The following PRKCE variants were observed in gnomAD, a reference collection of about 807,000 sequenced individuals.
PRKCE encodes the protein protein kinase C epsilon type.
In PRKCE, 16 loss-of-function variants were observed where a neutral mutation model predicts 85.4. That is an observed-to-expected ratio of 0.19 (90% CI 0.13 to 0.28). PRKCE has a LOEUF of 0.28. Ranked by LOEUF, PRKCE falls within the 10% of genes least tolerant of loss-of-function variation. The pLI is 1.00. For synonymous variants in PRKCE, 388 were observed against 371.5 expected (o/e 1.04, Z -0.51); for missense variants, 573 against 975.2 (o/e 0.59, Z 5.49).
chr2:46,175,228 T>A (rs574799859), intron 14 of PRKCE, among the ~76,000 whole-genome samples: 1 of 152,292 alleles, frequency 6.6e-6, no homozygotes, highest in African/African-American at 2.4e-5. Context: ...GTGGGTCACA[T>A]ATTTGGCTAT....
chr2:45,817,303 A>G (rs946355883), intron 1 of PRKCE, among the ~76,000 whole-genome samples: 7 of 152,140 alleles, frequency 4.6e-5, no homozygotes, highest in Non-Finnish European at 1.0e-4. Context: ...CTTTATCTAT[A>G]TTTTTAGAAG....
chr2:45,889,873 C>A (rs1573764238), intron 2 of PRKCE, among the ~76,000 whole-genome samples: 1 of 152,376 alleles, frequency 6.6e-6, no homozygotes, highest in Non-Finnish European at 1.5e-5. Flanking sequence ...GCTGCAACTG[C>A]ATGAGCCGTG....
At chr2:45,838,502 C>T (rs1392433357) in intron 1 of PRKCE, among the ~76,000 whole-genome samples, 1 of 152,138 alleles carries the variant, frequency 6.6e-6, no homozygotes, top group East Asian at 1.9e-4. Flanking sequence ...TCATGAGTAC[C>T]ACACGTCCTC....
intron 2 of PRKCE, among the ~76,000 whole-genome samples, chr2:45,886,768 G>A (rs1695334464): frequency 6.6e-6 from 1 of 152,198 alleles, no homozygotes; most frequent in Non-Finnish European, 1.5e-5. Context: ...CCAATGTGCT[G>A]AAAAGTTATG....
rs1201385353 is a variant in PRKCE, at chr2:46,138,630, A to G, written c.1593-6463A>G. Among the ~76,000 whole-genome samples the G allele has an allele frequency of 1.3e-5, 2 of 152,194 alleles. No individual in the cohort carries two copies. The highest frequency in any genetic ancestry group is 2.9e-5 in the Non-Finnish European group (2 of 68,040). On this transcript the variant is annotated intron_variant, in intron 11 of 14. Coordinates refer to ENST00000306156, the MANE Select transcript of PRKCE (RefSeq NM_005400.3). The surrounding 1 kb of genome is among the most constrained non-coding windows in gnomAD (Gnocchi z 4.2). ...GTGTTAGAGCCCTGATCACTGCTTAAGACTCAGATTAGAGCAGTGGTCGTC... is the reference window on the plus strand; with the variant it reads ...GTGTTAGAGCCCTGATCACTGCTTAGGACTCAGATTAGAGCAGTGGTCGTC...
chr2:46,024,743 A>G (rs1220216227), intron 10 of PRKCE, among the ~76,000 whole-genome samples: 1 of 152,002 alleles, frequency 6.6e-6, no homozygotes, highest in Non-Finnish European at 1.5e-5. Context: ...TGTTTCTTTC[A>G]CCATTTATCC....
chr2:46,131,069 G>A (rs777765661), intron 11 of PRKCE, among the ~76,000 whole-genome samples: 10 of 152,232 alleles, frequency 6.6e-5, no homozygotes, highest in Non-Finnish European at 1.0e-4. Context: ...TCTAGTGTGA[G>A]GATAAATCCG....
At chr2:46,141,343 A>G (rs190682442) in intron 11 of PRKCE, among the ~76,000 whole-genome samples, 2 of 152,320 alleles carry the variant, frequency 1.3e-5, no homozygotes, top group East Asian at 3.9e-4. Flanking sequence ...TTAAGTGAAA[A>G]AGATAAAGTC....
chr2:45,843,908 T>C (rs1211629745), intron 2 of PRKCE, among the ~76,000 whole-genome samples: 1 of 152,238 alleles, frequency 6.6e-6, no homozygotes, highest in Admixed American at 6.5e-5. Flanking sequence ...GTGTAGTTCC[T>C]CTTGGCAGTG....
chr2:45,820,562 C>A (rs1463089902), intron 1 of PRKCE, among the ~76,000 whole-genome samples: 1 of 152,078 alleles, frequency 6.6e-6, no homozygotes, highest in Non-Finnish European at 1.5e-5. Flanking sequence ...TGTTAAATGT[C>A]AGCAAGAGAA....
chr2:45,929,864 C>A lies in PRKCE; in HGVS notation c.413-46565C>A, dbSNP rs147135325. On this transcript the variant is annotated intron_variant, in intron 2 of 14. Transcript: ENST00000306156. Reference sequence around the variant, plus strand: ...GTGGGTGATTCATGTTTAGTGCCTGCATTTCCTGTAGAACATGAGCACCTC... The same window carrying A: ...GTGGGTGATTCATGTTTAGTGCCTGAATTTCCTGTAGAACATGAGCACCTC... Among the ~76,000 whole-genome samples the A allele has an allele frequency of 6.6e-5, 10 of 152,290 alleles. No homozygotes were observed. The East Asian group carries it at 1.7e-3, about 26-fold the overall frequency.
At position 46,086,372 on chromosome 2, in the gene PRKCE, T is replaced by A; in HGVS notation, c.1592+10T>A. 4 of 1,592,828 alleles carry A rather than the reference T, an allele frequency of 2.5e-6. No homozygotes were observed. The highest frequency in any genetic ancestry group is 3.4e-6 in the Non-Finnish European group (4 of 1,175,556). On this transcript the variant is annotated intron_variant, in intron 11 of 14. Transcript: ENST00000306156. The stretch of plus-strand genomic sequence containing the variant: ...ATGGAGTCATCTACAGGTAGCCTCT[T>A]CTCTCCTCCTCTTTCCTGAAAGTGA...
intron 14 of PRKCE, among the ~76,000 whole-genome samples, chr2:46,162,811 G>GA (rs1038154460): frequency 2.6e-5 from 4 of 151,832 alleles, no homozygotes; most frequent in South Asian, 2.1e-4. Context: ...CAAAATTGGG[G>GA]AAAAAAAATA....
intron 10 of PRKCE, among the ~76,000 whole-genome samples, chr2:46,079,247 T>C (rs1341044206): frequency 6.6e-6 from 1 of 151,834 alleles, no homozygotes; most frequent in Non-Finnish European, 1.5e-5. Flanking sequence ...CTCTAAGTGA[T>C]AAAGCCTGGA....
chr2:45,974,822 G>A (rs1702337194), intron 2 of PRKCE, among the ~76,000 whole-genome samples: 2 of 152,166 alleles, frequency 1.3e-5, no homozygotes, highest in African/African-American at 4.8e-5. Flanking sequence ...ATATTTGGGG[G>A]CACAGAGCCT....
intron 1 of PRKCE, among the ~76,000 whole-genome samples, chr2:45,699,169 C>T (rs2104199514): frequency 6.6e-6 from 1 of 152,174 alleles, no homozygotes; most frequent in East Asian, 1.9e-4. Context: ...GTCCTCCTCC[C>T]TGTCTGCTGT....
At chr2:45,655,505 G>A (rs1675334433) in intron 1 of PRKCE, among the ~76,000 whole-genome samples, 1 of 152,092 alleles carries the variant, frequency 6.6e-6, no homozygotes, top group Admixed American at 6.5e-5. Context: ...CCACACAGGT[G>A]GTACCATTAG....
intron 1 of PRKCE, among the ~76,000 whole-genome samples, chr2:45,761,087 G>A (rs938629112): frequency 1.3e-5 from 2 of 152,054 alleles, no homozygotes; most frequent in African/African-American, 4.8e-5. Context: ...CAGCACTTTG[G>A]GAGGCCAAGG....
intron 1 of PRKCE, among the ~76,000 whole-genome samples, chr2:45,813,036 C>T (rs994360103): frequency 6.6e-6 from 1 of 152,192 alleles, no homozygotes; most frequent in Non-Finnish European, 1.5e-5. Context: ...AATTCTATCT[C>T]TGGGGTTTCC....
Sources: allele counts gnomAD v4.1 joint callset (sites outside exome capture counted in the v4.1 genomes callset), GRCh38; gene constraint gnomAD v4.1.1; non-coding constraint Gnocchi (gnomAD v3.1); transcripts MANE v1.5; gene names NCBI Gene and HGNC (gene_info 2026-07-23, HGNC 2026-07-21).